Variants in ERBB4 observed in about 807,000 individuals in gnomAD.
ERBB4 encodes the protein erb-b2 receptor tyrosine kinase 4.
ERBB4 carries 42 observed loss-of-function variants against 158.0 expected under a neutral mutation model. The ratio of observed to expected loss-of-function variants is 0.27; its 90% CI spans 0.21 to 0.34. The LOEUF (loss-of-function observed/expected upper bound fraction) is 0.34, where lower values mean the gene tolerates loss of function less well. ERBB4 is among the 10% of genes least tolerant of loss of function. The pLI, the probability that ERBB4 is intolerant of heterozygous loss-of-function variation, is 1.00. For synonymous variants in ERBB4, 583 were observed against 558.7 expected (o/e 1.04, Z -0.61); for missense variants, 1,333 against 1,624.1 (o/e 0.82, Z 3.08).
intron 25 of ERBB4, among the ~76,000 whole-genome samples, chr2:211,418,692 A>T (rs73067245): frequency 0.014 from 2,142 of 152,038 alleles, 51 homozygotes; most frequent in African/African-American, 0.049. Context: ...ATTTTTTTTT[A>T]AATTTCACTG....
chr2:212,270,802 T>C (rs1268788103), intron 1 of ERBB4, among the ~76,000 whole-genome samples: 1 of 151,520 alleles, frequency 6.6e-6, no homozygotes, highest in Non-Finnish European at 1.5e-5. Context: ...GAGAGAATGA[T>C]TGAGAGGGAG....
At chr2:211,580,142 T>C (rs535348999) in intron 19 of ERBB4, among the ~76,000 whole-genome samples, 2 of 152,242 alleles carry the variant, frequency 1.3e-5, no homozygotes, top group East Asian at 3.9e-4. Flanking sequence ...ATTTAGTGAA[T>C]TAAAGCAGTC....
At chr2:212,055,469 T>G (rs904096825) in intron 2 of ERBB4, among the ~76,000 whole-genome samples, 2 of 152,166 alleles carry the variant, frequency 1.3e-5, no homozygotes, top group Non-Finnish European at 2.9e-5. Flanking sequence ...TGAGAATGGA[T>G]AGACAGCCCC....
chr2:211,924,712 G>A (rs1436549789), intron 3 of ERBB4, among the ~76,000 whole-genome samples: 1 of 152,100 alleles, frequency 6.6e-6, no homozygotes, highest in Admixed American at 6.5e-5. Context: ...TAAGTTGGTA[G>A]TATTTCTTTG....
chr2:211,503,356 A>T (rs879257334), intron 20 of ERBB4, among the ~76,000 whole-genome samples: 1 of 152,028 alleles, frequency 6.6e-6, no homozygotes, highest in Non-Finnish European at 1.5e-5. Context: ...CATGCCCAAG[A>T]TGGGTCCCAC....
intron 14 of ERBB4, among the ~76,000 whole-genome samples, chr2:211,672,218 T>C (rs2071870928): frequency 6.6e-6 from 1 of 152,192 alleles, no homozygotes. Context: ...TATTTAAATT[T>C]TCAATGAAAT....
At chr2:211,893,581 G>A (rs1300242653) in intron 3 of ERBB4, among the ~76,000 whole-genome samples, 1 of 141,442 alleles carries the variant, frequency 7.1e-6, no homozygotes. Flanking sequence ...AAACTAAAGA[G>A]CTTCTGCACA....
chr2:211,518,749 G>A (rs1300330256), intron 20 of ERBB4, among the ~76,000 whole-genome samples: 1 of 152,002 alleles, frequency 6.6e-6, no homozygotes, highest in African/African-American at 2.4e-5. Flanking sequence ...CTGTGTCTGA[G>A]ATGATTGATG....
At chr2:212,147,157 A>AAT (rs2080706145) in intron 1 of ERBB4, among the ~76,000 whole-genome samples, 1 of 34,238 alleles carries the variant, frequency 2.9e-5, no homozygotes, top group Non-Finnish European at 5.2e-5. Flanking sequence ...TGCCCAGCTA[A>AAT]TTTTTTTTTT....
At chr2:212,156,415 G>A (rs755052666) in intron 1 of ERBB4, among the ~76,000 whole-genome samples, 3 of 152,160 alleles carry the variant, frequency 2.0e-5, no homozygotes, top group Admixed American at 6.6e-5. Flanking sequence ...TAGAAGTGGT[G>A]GATAGGAAAA....
intron 1 of ERBB4, among the ~76,000 whole-genome samples, chr2:212,243,216 G>A (rs563688411): frequency 6.6e-6 from 1 of 152,200 alleles, no homozygotes; most frequent in Non-Finnish European, 1.5e-5. Flanking sequence ...AATTTTAAGG[G>A]CAGCGACCAG....
At chr2:211,718,063 C>T (rs1265145269) in intron 7 of ERBB4, among the ~76,000 whole-genome samples, 2 of 152,022 alleles carry the variant, frequency 1.3e-5, no homozygotes, top group African/African-American at 4.8e-5. Flanking sequence ...AGGTGTGTGC[C>T]ACCACGACCG....
chr2:212,413,763 T>A (rs948840740), intron 1 of ERBB4, among the ~76,000 whole-genome samples: 6 of 152,174 alleles, frequency 3.9e-5, no homozygotes, highest in Non-Finnish European at 7.4e-5. Flanking sequence ...AAGTATTTAT[T>A]TTTATATGAC....
intron 1 of ERBB4, among the ~76,000 whole-genome samples, chr2:212,222,524 A>G (rs2083326338): frequency 6.6e-6 from 1 of 151,504 alleles, no homozygotes; most frequent in Non-Finnish European, 1.5e-5. Flanking sequence ...TCAATTCTTA[A>G]CCTACTTAAC....
chr2:212,538,382 G>A, intron 1 of ERBB4, 67 bp downstream of exon 1: 1 of 1,392,194 alleles, frequency 7.2e-7, no homozygotes, highest in Non-Finnish European at 1.0e-6. Flanking sequence ...AGAGGGCAGG[G>A]GAGCCACTCG....
At chr2:212,130,042 A>G (rs571240382) in intron 1 of ERBB4, among the ~76,000 whole-genome samples, 4 of 152,244 alleles carry the variant, frequency 2.6e-5, no homozygotes, top group African/African-American at 9.6e-5. Flanking sequence ...AATTGATTTT[A>G]CAATCAAGCA....
At chr2:211,772,940 T>TACACACAC (rs1172044868) in intron 4 of ERBB4, among the ~76,000 whole-genome samples, 2,986 of 91,778 alleles carry the variant, frequency 0.033, 229 homozygotes, top group East Asian at 0.081. Flanking sequence ...TATATATATA[T>TACACACAC]ATATATATAT....
At chr2:212,027,944 T>C (rs2076813186) in intron 2 of ERBB4, among the ~76,000 whole-genome samples, 1 of 152,114 alleles carries the variant, frequency 6.6e-6, no homozygotes, top group South Asian at 2.1e-4. Context: ...AGATTCAACG[T>C]ACAACTCATA....
At chr2:211,813,267 A>T (rs1357159317) in intron 3 of ERBB4, among the ~76,000 whole-genome samples, 4 of 152,244 alleles carry the variant, frequency 2.6e-5, no homozygotes, top group Non-Finnish European at 4.4e-5. Flanking sequence ...ATAATTCAGC[A>T]ATGGTCGTGT....
Sources: allele counts gnomAD v4.1 joint callset (sites outside exome capture counted in the v4.1 genomes callset), GRCh38; gene constraint gnomAD v4.1.1; transcripts MANE v1.5; gene names NCBI Gene and HGNC (gene_info 2026-07-23, HGNC 2026-07-21).